The following SOCS5 variants were observed in gnomAD, a reference collection of about 807,000 sequenced individuals.
SOCS5 encodes CIS-6.
A neutral mutation model predicts 42.8 loss-of-function variants in SOCS5; 32 were observed. The observed-to-expected ratio is 0.75, with a 90% confidence interval of 0.56 to 1.01. The LOEUF is 1.01. SOCS5 is among the 50% of genes least tolerant of loss of function. The probability of loss-of-function intolerance (pLI) is 0.00; values close to 1 mark genes in which losing one functional copy is unlikely to be tolerated. For missense variants in SOCS5, 627 were observed against 653.0 expected, an observed-to-expected ratio of 0.96 and a Z score of 0.43; for synonymous variants, 283 against 229.6, an observed-to-expected ratio of 1.23 and a Z score of -2.10.
chr2:46,720,594 C>G (rs1361334200), intron 1 of SOCS5, among the ~76,000 whole-genome samples: 1 of 152,154 alleles, frequency 6.6e-6, no homozygotes, highest in African/African-American at 2.4e-5. Context: ...GCTGTTTTTA[C>G]TAATAACTGA....
intron 1 of SOCS5, among the ~76,000 whole-genome samples, chr2:46,730,910 GT>G (rs1247007444): frequency 6.6e-6 from 1 of 152,178 alleles, no homozygotes; most frequent in East Asian, 1.9e-4. Flanking sequence ...AAACACTTGT[GT>G]TTAAGTCCGA....
rs371208425 is a variant in SOCS5 at position 46,706,948 on chromosome 2, G to C, written c.-13+7499G>C. Among the ~76,000 whole-genome samples the C allele has an allele frequency of 2.0e-5, 3 of 152,214 alleles. No homozygotes were observed. In the East Asian group the frequency reaches 5.8e-4, roughly 29 times the overall value. On this transcript the variant is annotated intron_variant, in intron 1 of 1. Coordinates refer to ENST00000394861, the MANE Select transcript of SOCS5 (RefSeq NM_144949.3). Reference sequence around the variant, plus strand: ...GCATTTGATTTTGGAATCTCAGAGTGAGATTATAAGGATCACGTGAGTAAG... The same window carrying C: ...GCATTTGATTTTGGAATCTCAGAGTCAGATTATAAGGATCACGTGAGTAAG...
At chr2:46,731,839 A>G (rs1022836466) in intron 1 of SOCS5, among the ~76,000 whole-genome samples, 1 of 152,260 alleles carries the variant, frequency 6.6e-6, no homozygotes, top group Non-Finnish European at 1.5e-5. Flanking sequence ...ACAGTTTTAC[A>G]TAAGAGAAAC....
At chr2:46,718,004 C>T (rs1345853809) in intron 1 of SOCS5, among the ~76,000 whole-genome samples, 1 of 152,180 alleles carries the variant, frequency 6.6e-6, no homozygotes, top group Non-Finnish European at 1.5e-5. Context: ...TCCACAGCTC[C>T]CTTCTTCTAG....
Position 46,732,212 on chromosome 2 carries a change from A to G in SOCS5, c.-12-26307A>G, listed in dbSNP as rs182938116. 2.9e-3 allele frequency among the ~76,000 whole-genome samples: 439 copies of G among 152,354 alleles called. 2 individuals carry two copies. The highest frequency in any genetic ancestry group is 9.9e-3 in the African/African-American group (412 of 41,572). On this transcript the variant is annotated intron_variant, in intron 1 of 1. Coordinates refer to ENST00000394861, the MANE Select transcript of SOCS5 (RefSeq NM_144949.3). ...CACATTGAAACAAATTGTAGTTTTC[A>G]AAACAAACATTATAGTAGAACTGAC...
intron 1 of SOCS5, among the ~76,000 whole-genome samples, chr2:46,757,990 A>T (rs931479463): frequency 3.4e-4 from 52 of 152,210 alleles, no homozygotes; most frequent in Admixed American, 3.3e-3. Context: ...GGGAGGGAAG[A>T]TATGGGTTTT....
chr2:46,715,595 A>G (rs1672720261), intron 1 of SOCS5, among the ~76,000 whole-genome samples: 1 of 152,008 alleles, frequency 6.6e-6, no homozygotes, highest in Non-Finnish European at 1.5e-5. Flanking sequence ...GGTTTTTAGG[A>G]TCCCCTCCGC....
At chr2:46,755,462 A>G (rs1424291101) in intron 1 of SOCS5, among the ~76,000 whole-genome samples, 2 of 152,206 alleles carry the variant, frequency 1.3e-5, no homozygotes, top group East Asian at 1.9e-4. Context: ...TCTAATTTGT[A>G]GCTTATCCAG....
chr2:46,719,808 A>G (rs1672839642), intron 1 of SOCS5, among the ~76,000 whole-genome samples: 2 of 152,226 alleles, frequency 1.3e-5, no homozygotes, highest in Admixed American at 1.3e-4. Context: ...AGCATCATTC[A>G]TACCAGACCT....
chr2:46,702,061 A>G (rs1672357327), intron 1 of SOCS5, among the ~76,000 whole-genome samples: 1 of 151,952 alleles, frequency 6.6e-6, no homozygotes, highest in Non-Finnish European at 1.5e-5. Context: ...TGATTTAACC[A>G]CTGTGTACCT....
At chr2:46,758,406 C>T (rs971014914) in intron 1 of SOCS5, 113 bp from the exon 2 acceptor site, 1 of 715,052 alleles carries the variant, frequency 1.4e-6, no homozygotes, top group South Asian at 1.9e-5. Context: ...TAGGTGAACG[C>T]TTGGCCAGTA....
intron 1 of SOCS5, among the ~76,000 whole-genome samples, chr2:46,707,095 C>G (rs996738930): frequency 3.3e-5 from 5 of 152,008 alleles, no homozygotes; most frequent in African/African-American, 9.7e-5. Flanking sequence ...AGGACTAGCA[C>G]AGAAGGTAGA....
At chr2:46,717,015 C>T (rs1348906563) in intron 1 of SOCS5, among the ~76,000 whole-genome samples, 1 of 152,074 alleles carries the variant, frequency 6.6e-6, no homozygotes, top group Admixed American at 6.6e-5. Flanking sequence ...TGGAGAGTGT[C>T]CCAGTATTTG....
Position 46,758,823 on chromosome 2 carries a change from A to T in SOCS5, c.293A>T (p.Asn98Ile). Residue 98 changes from asparagine to isoleucine, a missense_variant, in exon 2 of 2, where the codon AAT (asparagine) becomes ATT (isoleucine). Physicochemically the swap from Asn to Ile is moderately radical, Grantham distance 149 (BLOSUM62 -3). Transcript: ENST00000394861. ...QIVEISIEKD[N>I]DSCVTPGTRL... ...GTTGAAATAAGCATCGAAAAGGATAATGATTCTTGTGTTACCCCAGGAACA... is the reference window on the plus strand; with the variant it reads ...GTTGAAATAAGCATCGAAAAGGATATTGATTCTTGTGTTACCCCAGGAACA... 6.2e-7 allele frequency: 1 copy of T among 1,614,212 alleles called. No homozygotes were observed. The highest frequency in any genetic ancestry group is 8.5e-7 in the Non-Finnish European group (1 of 1,180,014).
chr2:46,705,123 C>T (rs1264393580), intron 1 of SOCS5, among the ~76,000 whole-genome samples: 1 of 152,176 alleles, frequency 6.6e-6, no homozygotes, highest in East Asian at 1.9e-4. Context: ...TAATAACCAG[C>T]AAAAGTGTTT....
At chr2:46,724,554 A>G (rs888526809) in intron 1 of SOCS5, among the ~76,000 whole-genome samples, 1 of 152,042 alleles carries the variant, frequency 6.6e-6, no homozygotes, top group Non-Finnish European at 1.5e-5. Flanking sequence ...TAACTACATC[A>G]TACAAATGAT....
At chr2:46,752,814 C>T (rs531330330) in intron 1 of SOCS5, among the ~76,000 whole-genome samples, 5 of 152,296 alleles carry the variant, frequency 3.3e-5, no homozygotes, top group East Asian at 1.9e-4. Flanking sequence ...TGTTTTATTT[C>T]GTGTTTTCTC....
At position 46,762,120 on chromosome 2, in the gene SOCS5, C is replaced by T. The variant is rs1673885023; in HGVS notation, c.*1979C>T. On this transcript the variant is annotated 3_prime_UTR_variant, in exon 2 of 2. Coordinates refer to ENST00000394861, the MANE Select transcript of SOCS5 (RefSeq NM_144949.3). ...TAAAGCAAAATGGGGATTGAAGGGA[C>T]TTATAATTTCTGTTGTTTCTAATTA... 6.0e-6 allele frequency: 1 copy of T among 166,976 alleles called. No individual in the cohort carries two copies. The highest frequency in any genetic ancestry group is 1.5e-5 in the Non-Finnish European group (1 of 68,062). The allele number at this position is 166,976 out of a possible 1,614,324, so 10.3% of individuals were successfully genotyped here. A position where few individuals can be genotyped will look rare whatever the true frequency, so the allele number is the denominator to read the frequency against.
At chr2:46,757,934 A>C (rs1315188979) in intron 1 of SOCS5, among the ~76,000 whole-genome samples, 1 of 152,218 alleles carries the variant, frequency 6.6e-6, no homozygotes, top group East Asian at 1.9e-4. Flanking sequence ...TTTTCTACTC[A>C]AACTGCTTCT....
Sources: allele counts gnomAD v4.1 joint callset (sites outside exome capture counted in the v4.1 genomes callset), GRCh38; gene constraint gnomAD v4.1.1; transcripts MANE v1.5; gene names NCBI Gene and HGNC (gene_info 2026-07-23, HGNC 2026-07-21).